INPP5F: variants seen among roughly 807,000 people sequenced by gnomAD.
INPP5F encodes the protein inositol polyphosphate-5-phosphatase F.
In INPP5F, 97 loss-of-function variants were observed where a neutral mutation model predicts 137.2. The ratio of observed to expected loss-of-function variants is 0.71; its 90% CI spans 0.60 to 0.84. The LOEUF is 0.84. Ranked by LOEUF, INPP5F falls within the 40% of genes least tolerant of loss-of-function variation. The pLI is 0.00. For synonymous variants in INPP5F, 504 were observed against 476.9 expected (o/e 1.06, Z -0.74); for missense variants, 1,271 against 1,371.9 (o/e 0.93, Z 1.16).
At chr10:119,823,267 A>G (rs974643991) in intron 18 of INPP5F, 68 bp downstream of exon 18, 14 of 1,457,978 alleles carry the variant, frequency 9.6e-6, no homozygotes, top group Non-Finnish European at 1.1e-5. Context: ...CCCAAATGGA[A>G]TTGGGGACAT....
chr10:119,806,284 A>G (rs1850782232), intron 11 of INPP5F, 76 bp from the exon 12 acceptor site: 3 of 1,057,686 alleles, frequency 2.8e-6, no homozygotes, highest in Non-Finnish European at 4.0e-6. Context: ...TTTTATTGAT[A>G]TACTTTAAAG....
chr10:119,800,787 T>C (rs1478247250), intron 9 of INPP5F, among the ~76,000 whole-genome samples: 1 of 151,686 alleles, frequency 6.6e-6, no homozygotes, highest in Non-Finnish European at 1.5e-5. Flanking sequence ...CTTTCTCTAC[T>C]AAAAATACAA....
Position 119,789,300 on chromosome 10 carries a change from G to C in INPP5F, c.316-2217G>C, listed in dbSNP as rs1226904581. Among the ~76,000 whole-genome samples, 5 of 152,016 alleles carry C rather than the reference G, an allele frequency of 3.3e-5. No homozygotes were observed. In the East Asian group the frequency reaches 9.6e-4, roughly 29 times the overall value. ...TAAAATTGTAACAATCTGTAGCTCG[G>C]TTTTGAGCAAGTAAGCATGTTTTCA... is the stretch of plus-strand genomic sequence containing the variant. On this transcript the variant is annotated intron_variant, in intron 3 of 19. Transcript: ENST00000650623.
At chr10:119,746,259 C>G (rs1848529275) in intron 1 of INPP5F, among the ~76,000 whole-genome samples, 1 of 152,172 alleles carries the variant, frequency 6.6e-6, no homozygotes, top group Non-Finnish European at 1.5e-5. Context: ...TGCTGCTGTC[C>G]TTATGCCTGA....
At chr10:119,795,009 G>T (rs1298755861) in intron 6 of INPP5F, among the ~76,000 whole-genome samples, 1 of 132,488 alleles carries the variant, frequency 7.5e-6, no homozygotes, top group Non-Finnish European at 1.6e-5. Flanking sequence ...CGGATGGGGC[G>T]GCTGGCCGGG....
chr10:119,827,789 C>T lies in INPP5F; in HGVS notation c.*9C>T. The T allele has an allele frequency of 6.4e-7, 1 of 1,561,208 alleles. No homozygotes were observed. The highest frequency in any genetic ancestry group is 8.7e-7 in the Non-Finnish European group (1 of 1,147,240). On this transcript the variant is annotated 3_prime_UTR_variant, in exon 20 of 20. Transcript: ENST00000650623. ...GGATAATTCAGATTTAGCTTTTAGC[C>T]ATAAGAATCCTTCCATGGCTTTTAT...
intron 2 of INPP5F, among the ~76,000 whole-genome samples, chr10:119,757,328 A>G (rs1178500687): frequency 6.6e-6 from 1 of 151,032 alleles, no homozygotes; most frequent in Non-Finnish European, 1.5e-5. Flanking sequence ...TCAGCCTCCC[A>G]AAGTGCTGGG....
intron 2 of INPP5F, among the ~76,000 whole-genome samples, chr10:119,760,410 C>CT (rs570327967): frequency 1.3e-5 from 2 of 152,126 alleles, no homozygotes; most frequent in Non-Finnish European, 2.9e-5. Flanking sequence ...TGTGAATAGA[C>CT]ACTGCACTCC....
At chr10:119,762,712 G>C (rs182206468) in intron 2 of INPP5F, among the ~76,000 whole-genome samples, 1 of 152,162 alleles carries the variant, frequency 6.6e-6, no homozygotes, top group African/African-American at 2.4e-5. Flanking sequence ...TTTACATAAG[G>C]GACTTGAACA....
intron 2 of INPP5F, among the ~76,000 whole-genome samples, chr10:119,772,655 A>C (rs1167724267): frequency 6.6e-6 from 1 of 152,204 alleles, no homozygotes; most frequent in African/African-American, 2.4e-5. Context: ...TATTTTTAGC[A>C]ATTAGCTCAT....
At position 119,804,283 on chromosome 10, in the gene INPP5F, C is replaced by A. The variant is rs1357029538; in HGVS notation, c.1227C>A (p.Asp409Glu). The A allele has an allele frequency of 6.2e-7, 1 of 1,611,354 alleles. No homozygotes were observed. The highest frequency in any genetic ancestry group is 8.5e-7 in the Non-Finnish European group (1 of 1,179,450). The change falls in exon 10 of 20, where the codon GAC becomes GAA. Residue 409 changes from aspartate to glutamate, a missense_variant. By Grantham distance (45) the Asp-to-Glu change is conservative. This residue lies in a region of INPP5F where 593 missense variants were observed against 712.4 expected (regional missense o/e 0.83). Coordinates refer to ENST00000650623, the MANE Select transcript of INPP5F (RefSeq NM_014937.4). ...CACACCTCACTTACGTTTCGTTTGA[C>A]TTCCATGAGCACTGGTAAGATGGCT... ...NNSHLTYVSF[D>E]FHEHCRGMKF...
At chr10:119,785,538 G>GAGAGAGAGAC (rs1849869523) in intron 3 of INPP5F, among the ~76,000 whole-genome samples, 1 of 125,164 alleles carries the variant, frequency 8.0e-6, no homozygotes, top group African/African-American at 3.5e-5. Context: ...ATCCGCTCGA[G>GAGAGAGAGAC]AGAGAGAGAG....
At chr10:119,805,022 C>T (rs182232233) in intron 10 of INPP5F, among the ~76,000 whole-genome samples, 212 of 152,300 alleles carry the variant, frequency 1.4e-3, no homozygotes, top group Admixed American at 3.6e-3. Flanking sequence ...CCAATGTGCC[C>T]GGCCCAGTGA....
At chr10:119,782,262 C>A (rs1195143536) in intron 3 of INPP5F, among the ~76,000 whole-genome samples, 1 of 152,072 alleles carries the variant, frequency 6.6e-6, no homozygotes. Flanking sequence ...CTTTATTTTC[C>A]AGAGAAGAGC....
chr10:119,759,187 T>A (rs914168879), intron 2 of INPP5F, among the ~76,000 whole-genome samples: 2 of 152,146 alleles, frequency 1.3e-5, no homozygotes, highest in African/African-American at 2.4e-5. Context: ...GCCCAGCTAA[T>A]TTTTGTATTT....
intron 2 of INPP5F, among the ~76,000 whole-genome samples, chr10:119,778,417 G>A (rs959901684): frequency 6.6e-6 from 1 of 152,100 alleles, no homozygotes; most frequent in African/African-American, 2.4e-5. Context: ...GTCTAATTGG[G>A]GAGTACTTTT....
chr10:119,798,785 A>C (rs918370548), intron 9 of INPP5F, among the ~76,000 whole-genome samples, 175 bp downstream of exon 9: 2 of 125,940 alleles, frequency 1.6e-5, no homozygotes, highest in East Asian at 4.4e-4. Flanking sequence ...TGAGTCAGCT[A>C]CTTTTTTTTT....
Position 119,827,116 on chromosome 10 carries a change from A to G in INPP5F, c.2735A>G (p.Asp912Gly), listed in dbSNP as rs1851793992. The G allele has an allele frequency of 6.2e-7, 1 of 1,614,040 alleles. No individual in the cohort carries two copies. The highest frequency in any genetic ancestry group is 1.3e-5 in the African/African-American group (1 of 74,920). ...CGGTCCCAGTCTCTTAGCAGCACAG[A>G]TAGTAGCGTTCATGCTCCTTCAGAG... ...GSRSQSLSSTDSSVHAPSEIT... is the reference protein window; with the variant it reads ...GSRSQSLSSTGSSVHAPSEIT... Residue 912 changes from aspartate to glycine, a missense_variant, in exon 20 of 20, where the codon GAT becomes GGT. Transcript: ENST00000650623.
intron 1 of INPP5F, among the ~76,000 whole-genome samples, chr10:119,729,536 A>T (rs1197706871): frequency 6.6e-6 from 1 of 150,732 alleles, no homozygotes; most frequent in Non-Finnish European, 1.5e-5. Context: ...GTACACCTGC[A>T]CTTGTGTTAT....
Sources: allele counts gnomAD v4.1 joint callset (sites outside exome capture counted in the v4.1 genomes callset), GRCh38; gene constraint gnomAD v4.1.1; regional missense constraint gnomAD v4.1.1; transcripts MANE v1.5; gene names NCBI Gene and HGNC (gene_info 2026-07-23, HGNC 2026-07-21).